CENPW: variants seen among roughly 807,000 people sequenced by gnomAD.
CENPW encodes the protein cancer-up-regulated gene 2 protein.
A neutral mutation model predicts 11.1 loss-of-function variants in CENPW; 3 were observed. That is an observed-to-expected ratio of 0.27 (90% CI 0.12 to 0.70). The LOEUF (loss-of-function observed/expected upper bound fraction) is 0.70, where lower values mean the gene tolerates loss of function less well. Ranked by LOEUF, CENPW falls within the 30% of genes least tolerant of loss-of-function variation. The probability of loss-of-function intolerance (pLI) is 0.77; values close to 1 mark genes in which losing one functional copy is unlikely to be tolerated. For synonymous variants in CENPW, 38 were observed against 42.0 expected (o/e 0.91, Z 0.37); for missense variants, 100 against 105.6 (o/e 0.95, Z 0.23).
At chr6:126,473,982 T>TATATATAGA in the CENPW span, among the ~76,000 whole-genome samples, 3 of 148,272 alleles carry the variant, frequency 2.0e-5, no homozygotes, top group Non-Finnish European at 4.5e-5. Context: ...ATATACAGAA[T>TATATATAGA]ATATATAGAA....
chr6:126,355,365 A>G, the CENPW span, among the ~76,000 whole-genome samples: 1 of 152,144 alleles, frequency 6.6e-6, no homozygotes, highest in African/African-American at 2.4e-5. Flanking sequence ...ATGTTTACCT[A>G]TCAACATCTC....
At chr6:126,403,575 C>T in the CENPW span, among the ~76,000 whole-genome samples, 319 of 152,154 alleles carry the variant, frequency 2.1e-3, 1 homozygote, top group African/African-American at 7.5e-3. Flanking sequence ...GGTAAAGAAG[C>T]TGTAGAGGAA....
chr6:126,442,546 T>G, the CENPW span, among the ~76,000 whole-genome samples: 2 of 151,344 alleles, frequency 1.3e-5, no homozygotes, highest in African/African-American at 4.8e-5. Context: ...CAATAATAAC[T>G]AATGGATATT....
chr6:126,432,000 G>A, the CENPW span, among the ~76,000 whole-genome samples: 2 of 149,238 alleles, frequency 1.3e-5, no homozygotes, highest in Non-Finnish European at 3.0e-5. Flanking sequence ...AGAAGGTGGA[G>A]GTTGTGGTGA....
At chr6:126,416,859 AG>A in the CENPW span, among the ~76,000 whole-genome samples, 1 of 152,228 alleles carries the variant, frequency 6.6e-6, no homozygotes, top group Admixed American at 6.5e-5. Context: ...CTGCTAGGGC[AG>A]TGCAGAAGGG....
At chr6:126,364,617 C>G in the CENPW span, among the ~76,000 whole-genome samples, 1 of 152,312 alleles carries the variant, frequency 6.6e-6, no homozygotes, top group East Asian at 1.9e-4. Flanking sequence ...GTTATCCCTA[C>G]CCCTATCCAT....
chr6:126,466,952 A>T, the CENPW span, among the ~76,000 whole-genome samples: 1 of 152,158 alleles, frequency 6.6e-6, no homozygotes, highest in Non-Finnish European at 1.5e-5. Flanking sequence ...GAGGTGAAAG[A>T]TCTCTACAGT....
chr6:126,462,258 T>G, the CENPW span, among the ~76,000 whole-genome samples: 1 of 151,952 alleles, frequency 6.6e-6, no homozygotes, highest in African/African-American at 2.4e-5. Flanking sequence ...ATCCATCATC[T>G]CGGACAGCTT....
chr6:126,436,106 G>A, the CENPW span, among the ~76,000 whole-genome samples: 5 of 151,604 alleles, frequency 3.3e-5, no homozygotes, highest in East Asian at 9.7e-4. Flanking sequence ...ATATTTCCTG[G>A]CAATGAAATC....
the CENPW span, among the ~76,000 whole-genome samples, chr6:126,386,956 A>G: frequency 6.6e-6 from 1 of 152,006 alleles, no homozygotes; most frequent in East Asian, 1.9e-4. Flanking sequence ...TAATACCATT[A>G]AACATCACTA....
At chr6:126,412,831 G>T in the CENPW span, among the ~76,000 whole-genome samples, 1 of 151,846 alleles carries the variant, frequency 6.6e-6, no homozygotes, top group African/African-American at 2.4e-5. Context: ...TGCCTCTTCA[G>T]ACTTACTGTT....
At chr6:126,395,773 G>A in the CENPW span, among the ~76,000 whole-genome samples, 1 of 152,162 alleles carries the variant, frequency 6.6e-6, no homozygotes, top group Non-Finnish European at 1.5e-5. Context: ...TAACACTGTG[G>A]TTCTTGCAGA....
At chr6:126,371,102 C>G in the CENPW span, among the ~76,000 whole-genome samples, 6 of 152,172 alleles carry the variant, frequency 3.9e-5, no homozygotes, top group Non-Finnish European at 8.8e-5. Flanking sequence ...TCTGATTGCT[C>G]TAGCTAGGAC....
the CENPW span, among the ~76,000 whole-genome samples, chr6:126,361,898 C>A: frequency 2.6e-5 from 4 of 152,168 alleles, no homozygotes; most frequent in Non-Finnish European, 4.4e-5. Flanking sequence ...ACTTTCAGCT[C>A]AGTACTCCAG....
At chr6:126,378,623 C>A in the CENPW span, among the ~76,000 whole-genome samples, 1 of 151,950 alleles carries the variant, frequency 6.6e-6, no homozygotes, top group East Asian at 1.9e-4. Context: ...ATATATTGCC[C>A]AGAGCACTTT....
At chr6:126,434,189 G>T in the CENPW span, among the ~76,000 whole-genome samples, 1 of 152,054 alleles carries the variant, frequency 6.6e-6, no homozygotes, top group African/African-American at 2.4e-5. Flanking sequence ...TTATGGTAGT[G>T]CTATCCAACA....
the CENPW span, among the ~76,000 whole-genome samples, chr6:126,462,420 T>C: frequency 6.6e-5 from 10 of 151,826 alleles, no homozygotes; most frequent in African/African-American, 2.4e-4. Context: ...TTTTTCAGTT[T>C]TTTTTTTAGT....
chr6:126,395,902 C>G, the CENPW span, among the ~76,000 whole-genome samples: 2 of 152,144 alleles, frequency 1.3e-5, no homozygotes, highest in Non-Finnish European at 2.9e-5. Flanking sequence ...GTGTCTCCCT[C>G]TCTGCTGGGC....
chr6:126,389,411 A>G, the CENPW span, among the ~76,000 whole-genome samples: 1 of 151,762 alleles, frequency 6.6e-6, no homozygotes, highest in Non-Finnish European at 1.5e-5. Flanking sequence ...TCTCCCAAAC[A>G]TTTCTTGGGA....
Sources: gnomAD v4.1 joint callset for allele counts (sites outside exome capture counted in the v4.1 genomes callset) on GRCh38, gnomAD v4.1.1 for gene constraint, MANE v1.5 for transcripts, NCBI Gene and HGNC (gene_info 2026-07-23, HGNC 2026-07-21) for gene names.